The following CA10 variants were observed in gnomAD, a reference collection of about 807,000 sequenced individuals.
The protein encoded by CA10 is carbonic anhydrase-related protein 10.
A neutral mutation model predicts 44.2 loss-of-function variants in CA10; 14 were observed. The observed-to-expected ratio is 0.32, with a 90% CI of 0.21 to 0.50. The LOEUF is 0.50. Among genes scored for constraint, CA10 ranks in the 20% least tolerant of loss-of-function variants. CA10 has a pLI of 0.99. For synonymous variants in CA10, 159 were observed against 141.6 expected, an observed-to-expected ratio of 1.12 and a Z score of -0.87; for missense variants, 350 against 409.7, an observed-to-expected ratio of 0.85 and a Z score of 1.26.
intron 2 of CA10, among the ~76,000 whole-genome samples, chr17:52,014,599 G>A (rs1001058039): frequency 3.3e-5 from 5 of 151,954 alleles, no homozygotes; most frequent in African/African-American, 4.8e-5. Context: ...AGCTATCATG[G>A]AAAAGTTAGT....
At chr17:52,056,843 A>T (rs2143073851) in intron 2 of CA10, among the ~76,000 whole-genome samples, 1 of 152,256 alleles carries the variant, frequency 6.6e-6, no homozygotes, top group Non-Finnish European at 1.5e-5. Context: ...AAGTACAAAT[A>T]AAAGCTCTAA....
intron 3 of CA10, among the ~76,000 whole-genome samples, chr17:51,755,655 C>T (rs1443778765): frequency 6.6e-6 from 1 of 152,200 alleles, no homozygotes; most frequent in Non-Finnish European, 1.5e-5. Flanking sequence ...ACAGGAGCTA[C>T]TTGCATTCTT....
chr17:51,984,596 A>G (rs2144093026), intron 2 of CA10, among the ~76,000 whole-genome samples: 2 of 152,112 alleles, frequency 1.3e-5, no homozygotes, highest in Middle Eastern at 6.8e-3. Context: ...AAAATAAATA[A>G]AATTGACAGA....
Position 51,872,228 on chromosome 17 carries a change from AG to A in CA10, c.279+58761del, listed in dbSNP as rs111805076. Among the ~76,000 whole-genome samples the A allele has an allele frequency of 3.6e-3, 553 of 152,316 alleles. 3 individuals carry two copies. Among genetic ancestry groups the A allele is most frequent in the African/African-American group, 0.013 (542 of 41,574 alleles). The stretch of plus-strand genomic sequence containing the variant: ...CATTTCCTTCCTTTTGATAGCACAA[AG>A]AATAGGGTTTATTCCACAGAGTGAC... On this transcript the variant is annotated intron_variant, in intron 3 of 8. Coordinates refer to ENST00000451037, the MANE Select transcript of CA10 (RefSeq NM_020178.5).
chr17:52,103,669 G>A (rs142190386), intron 1 of CA10, among the ~76,000 whole-genome samples: 12 of 152,294 alleles, frequency 7.9e-5, no homozygotes, highest in East Asian at 7.7e-4. Flanking sequence ...TGGCATTGAC[G>A]TTTGTCTTTA....
chr17:51,658,555 A>G (rs1300357160), intron 4 of CA10, among the ~76,000 whole-genome samples: 2 of 152,204 alleles, frequency 1.3e-5, no homozygotes, highest in Non-Finnish European at 2.9e-5. Flanking sequence ...TATCACTTGT[A>G]GAGAACACGG....
At chr17:51,654,119 T>G (rs1406539622) in intron 4 of CA10, among the ~76,000 whole-genome samples, 4 of 152,324 alleles carry the variant, frequency 2.6e-5, no homozygotes, top group African/African-American at 9.6e-5. Flanking sequence ...CAGCTGCCAC[T>G]GGCAGCCAGT....
At chr17:51,841,051 A>G (rs898169884) in intron 3 of CA10, among the ~76,000 whole-genome samples, 2 of 152,072 alleles carry the variant, frequency 1.3e-5, no homozygotes, top group African/African-American at 4.8e-5. Context: ...AGTTTTATCA[A>G]CCAGGTAATC....
intron 1 of CA10, among the ~76,000 whole-genome samples, chr17:52,148,992 T>G (rs1033497068): frequency 3.9e-5 from 6 of 152,224 alleles, no homozygotes; most frequent in Non-Finnish European, 8.8e-5. Context: ...TTATTATTAT[T>G]CTAACCTTGT....
chr17:51,662,554 T>C (rs941596364), intron 4 of CA10, among the ~76,000 whole-genome samples: 21 of 152,196 alleles, frequency 1.4e-4, no homozygotes, highest in African/African-American at 5.1e-4. Context: ...CAGCTTTTGC[T>C]GGAACAACTA....
intron 2 of CA10, among the ~76,000 whole-genome samples, chr17:52,038,063 TA>T (rs1455841162): frequency 6.6e-6 from 1 of 152,154 alleles, no homozygotes; most frequent in Non-Finnish European, 1.5e-5. Flanking sequence ...AAGTGCCTGG[TA>T]TACAGAAGGC....
At chr17:51,972,840 C>T (rs1984331376) in intron 2 of CA10, among the ~76,000 whole-genome samples, 1 of 151,182 alleles carries the variant, frequency 6.6e-6, no homozygotes, top group African/African-American at 2.4e-5. Context: ...TGTGTCAAAA[C>T]ATGAAGGCCA....
rs1012813006 is a variant in CA10, at chr17:51,990,397, C to G, written c.137-59265G>C. ...AACATTTATGAAATTCTATAATATCCAAACAGAATTTTTGCTAAAATGTTT... is the reference window on the plus strand; with the variant it reads ...AACATTTATGAAATTCTATAATATCGAAACAGAATTTTTGCTAAAATGTTT... On this transcript the variant is annotated intron_variant, in intron 2 of 8. Coordinates refer to ENST00000451037, the MANE Select transcript of CA10 (RefSeq NM_020178.5). 2.0e-5 allele frequency among the ~76,000 whole-genome samples: 3 copies of G among 151,088 alleles called. No homozygotes were observed. In the East Asian group the frequency reaches 6.0e-4, roughly 30 times the overall value.
In CA10 at chr17:51,745,167, T is replaced by G. The variant is rs114105969; in HGVS notation, c.465+2466A>C. Reference sequence around the variant, plus strand: ...TTACCAATGTGTGTGCCTTCCCCCCTTTTTAGCAGTGTGATTTTGTTGATT... The same window carrying G: ...TTACCAATGTGTGTGCCTTCCCCCCGTTTTAGCAGTGTGATTTTGTTGATT... On this transcript the variant is annotated intron_variant, in intron 4 of 8. Transcript: ENST00000451037. 4.7e-3 allele frequency among the ~76,000 whole-genome samples: 718 copies of G among 152,244 alleles called. 5 individuals are homozygous for G. The highest frequency in any genetic ancestry group is 0.016 in the African/African-American group (654 of 41,556).
At chr17:52,113,412 G>A (rs1988827897) in intron 1 of CA10, among the ~76,000 whole-genome samples, 1 of 152,094 alleles carries the variant, frequency 6.6e-6, no homozygotes, top group Non-Finnish European at 1.5e-5. Context: ...AAAAAAAAAT[G>A]TATACTGATA....
intron 3 of CA10, among the ~76,000 whole-genome samples, chr17:51,795,756 T>G (rs1906680782): frequency 6.6e-6 from 1 of 152,204 alleles, no homozygotes; most frequent in African/African-American, 2.4e-5. Flanking sequence ...AGGCACAAGG[T>G]GACCTCTGCA....
chr17:52,043,143 T>C (rs968608669), intron 2 of CA10, among the ~76,000 whole-genome samples: 1 of 152,090 alleles, frequency 6.6e-6, no homozygotes, highest in African/African-American at 2.4e-5. Flanking sequence ...TCCACTGGAA[T>C]TGTGTTGAAT....
chr17:52,007,498 GTTTTC>G (rs1411696119), intron 2 of CA10, among the ~76,000 whole-genome samples: 1 of 151,358 alleles, frequency 6.6e-6, no homozygotes, highest in Non-Finnish European at 1.5e-5. Context: ...TTGTGTGATT[GTTTTC>G]TTTAATCAAT....
intron 2 of CA10, among the ~76,000 whole-genome samples, chr17:52,068,734 T>G (rs2191411): frequency 6.6e-6 from 1 of 152,192 alleles, no homozygotes; most frequent in Admixed American, 6.5e-5. Flanking sequence ...ATAGAAGATA[T>G]GGGTTTTTCT....
Sources: gnomAD v4.1 joint callset for allele counts (sites outside exome capture counted in the v4.1 genomes callset) on GRCh38, gnomAD v4.1.1 for gene constraint, MANE v1.5 for transcripts, NCBI Gene and HGNC (gene_info 2026-07-23, HGNC 2026-07-21) for gene names.